BIRC6: variants seen among roughly 807,000 people sequenced by gnomAD.
The protein encoded by BIRC6 is baculoviral IAP repeat containing 6.
A neutral mutation model predicts 503.3 loss-of-function variants in BIRC6; 98 were observed. The observed-to-expected ratio is 0.19, with a 90% CI of 0.17 to 0.23. The LOEUF (loss-of-function observed/expected upper bound fraction) is 0.23, where lower values mean the gene tolerates loss of function less well. BIRC6 is among the 10% of genes least tolerant of loss of function. The pLI, the probability that BIRC6 is intolerant of heterozygous loss-of-function variation, is 1.00. For synonymous variants in BIRC6, 2,240 were observed against 2,078.7 expected (o/e 1.08, Z -2.11); for missense variants, 5,360 against 5,806.0 (o/e 0.92, Z 2.50).
At chr2:32,387,942 A>G (rs2038711546) in intron 3 of BIRC6, among the ~76,000 whole-genome samples, 1 of 152,208 alleles carries the variant, frequency 6.6e-6, no homozygotes, top group South Asian at 2.1e-4. Context: ...AAATAATTGT[A>G]TATATTTATG....
intron 69 of BIRC6, among the ~76,000 whole-genome samples, chr2:32,599,297 C>CCA (rs934679251): frequency 2.0e-5 from 3 of 150,048 alleles, no homozygotes; most frequent in Non-Finnish European, 4.4e-5. Flanking sequence ...CCATTGGACT[C>CCA]CAGCCTGGGC....
intron 6 of BIRC6, among the ~76,000 whole-genome samples, chr2:32,398,780 AAGAG>A (rs1008350002): frequency 6.6e-6 from 1 of 152,118 alleles, no homozygotes; most frequent in Admixed American, 6.5e-5. Flanking sequence ...AAACTCAGGA[AAGAG>A]AGAGAGACGG....
chr2:32,604,664 C>T (rs936756003), intron 71 of BIRC6, among the ~76,000 whole-genome samples: 11 of 152,094 alleles, frequency 7.2e-5, no homozygotes, highest in Non-Finnish European at 1.0e-4. Context: ...TAAATTATAG[C>T]CACATTTATT....
chr2:32,490,885 G>T (rs1325713714), intron 43 of BIRC6, among the ~76,000 whole-genome samples: 1 of 151,608 alleles, frequency 6.6e-6, no homozygotes, highest in Non-Finnish European at 1.5e-5. Flanking sequence ...TTTTTCATTT[G>T]GAATGTATTT....
chr2:32,453,248 C>T (rs1397939085), intron 22 of BIRC6, among the ~76,000 whole-genome samples: 1 of 152,078 alleles, frequency 6.6e-6, no homozygotes, highest in African/African-American at 2.4e-5. Context: ...CTAGCTTAAA[C>T]TATTTTTATG....
intron 55 of BIRC6, among the ~76,000 whole-genome samples, chr2:32,517,993 G>A (rs183136587): frequency 9.7e-4 from 147 of 151,422 alleles, no homozygotes; most frequent in African/African-American, 3.1e-3. Flanking sequence ...AAACCGTTTA[G>A]TACTAATTTT....
chr2:32,599,961 A>G lies in BIRC6; in HGVS notation c.13992+61A>G, dbSNP rs2151505201. The G allele has an allele frequency of 2.6e-6, 4 of 1,510,288 alleles. No homozygotes were observed. The South Asian group carries it at 4.9e-5, about 19-fold the overall frequency. The allele number at this position is 1,510,288 out of a possible 1,614,324, so 93.6% of individuals were successfully genotyped here. A position where few individuals can be genotyped will look rare whatever the true frequency, so the allele number is the denominator to read the frequency against. ...TGATTGTATACAAAGGTTCTTTGTA[A>G]TTTGAAGAAAAATTTTGTTTTAGTT... On this transcript the variant is annotated intron_variant, in intron 70 of 73. Transcript: ENST00000421745.
chr2:32,434,621 G>C (rs745950407), intron 13 of BIRC6, among the ~76,000 whole-genome samples: 12 of 152,214 alleles, frequency 7.9e-5, no homozygotes, highest in Non-Finnish European at 1.0e-4. Flanking sequence ...GCCAAGGCAG[G>C]AGGATCACTT....
At chr2:32,500,144 C>G (rs1204985009) in intron 46 of BIRC6, 35 bp downstream of exon 46, 3 of 1,516,748 alleles carry the variant, frequency 2.0e-6, no homozygotes, top group East Asian at 2.3e-5. Context: ...ACCATTGTCT[C>G]TGATACTATA....
intron 65 of BIRC6, among the ~76,000 whole-genome samples, chr2:32,573,110 A>G (rs1255421573): frequency 1.3e-5 from 2 of 152,226 alleles, no homozygotes; most frequent in East Asian, 1.9e-4. Flanking sequence ...TCCTTCGCCT[A>G]GAATGTTAGA....
chr2:32,432,574 T>C (rs972593055), intron 12 of BIRC6, among the ~76,000 whole-genome samples: 7 of 151,550 alleles, frequency 4.6e-5, no homozygotes, highest in African/African-American at 1.7e-4. Flanking sequence ...CTGGGCAATA[T>C]AGGGAGACCT....
rs552623503 is a variant in BIRC6, at chr2:32,549,607, T to C, written c.13144+126T>C. On this transcript the variant is annotated intron_variant, in intron 65 of 73. Transcript: ENST00000421745. ...TTTCCTAAAAAGTATTCTGGAAATA[T>C]TTAGTTGGTTTTTGGTGCCCTTAAT... 5.1e-5 allele frequency: 46 copies of C among 909,300 alleles called. No individual in the cohort carries two copies. In the South Asian group the frequency reaches 2.1e-3, roughly 41 times the overall value. 56.3% of individuals were successfully genotyped at this position (909,300 alleles called of 1,614,324 possible). A position where few individuals can be genotyped will look rare whatever the true frequency, so the allele number is the denominator to read the frequency against.
Position 32,543,271 on chromosome 2 carries a change from C to G in BIRC6, c.12322C>G (p.Gln4108Glu). 4 of 1,613,950 alleles carry G rather than the reference C, an allele frequency of 2.5e-6. No individual in the cohort carries two copies. Among genetic ancestry groups the G allele is most frequent in the Non-Finnish European group, 3.4e-6 (4 of 1,179,860 alleles). ...VSAPVVTSTT[Q>E]EKPKDSDQFE... ...TGCTCCAGTTGTAACATCTACCACT[C>G]AGGAAAAGCCGAAGGATAGCGATCA... The change falls in exon 62 of 74, where the codon CAG becomes GAG. Residue 4108 changes from glutamine (Q) to glutamate (E), a missense_variant. This residue lies in a region of BIRC6 where 878 missense variants were observed against 928.9 expected (regional missense o/e 0.95). Coordinates refer to ENST00000421745, the MANE Select transcript of BIRC6 (RefSeq NM_016252.4).
chr2:32,546,848 G>A (rs893120387), intron 63 of BIRC6, among the ~76,000 whole-genome samples: 1 of 152,106 alleles, frequency 6.6e-6, no homozygotes, highest in African/African-American at 2.4e-5. Context: ...GGACATAGAG[G>A]CAGGCAGATC....
intron 10 of BIRC6, among the ~76,000 whole-genome samples, chr2:32,425,291 C>A (rs938164956): frequency 1.3e-5 from 2 of 152,082 alleles, no homozygotes; most frequent in African/African-American, 4.8e-5. Context: ...GATAATCTTA[C>A]ATTCATACAT....
chr2:32,421,509 TA>T (rs1317730735), intron 10 of BIRC6, among the ~76,000 whole-genome samples: 1 of 152,240 alleles, frequency 6.6e-6, no homozygotes, highest in Non-Finnish European at 1.5e-5. Flanking sequence ...TGATACCTCC[TA>T]AATTTTGATA....
intron 21 of BIRC6, among the ~76,000 whole-genome samples, chr2:32,445,982 C>G (rs1050350836): frequency 6.6e-6 from 1 of 151,962 alleles, no homozygotes; most frequent in African/African-American, 2.4e-5. Flanking sequence ...CTCAGCCTCC[C>G]GAGTAGCTGG....
chr2:32,597,382 G>A (rs1245859475), intron 68 of BIRC6, among the ~76,000 whole-genome samples: 1 of 152,150 alleles, frequency 6.6e-6, no homozygotes, highest in Non-Finnish European at 1.5e-5. Flanking sequence ...AGTAGCCATT[G>A]TCTTTGATTG....
intron 3 of BIRC6, among the ~76,000 whole-genome samples, chr2:32,383,159 G>A (rs2037932317): frequency 6.6e-6 from 1 of 151,874 alleles, no homozygotes; most frequent in African/African-American, 2.4e-5. Context: ...TGGTTCTCCT[G>A]CCTCAGCCTC....
Sources: gnomAD v4.1 joint callset for allele counts (sites outside exome capture counted in the v4.1 genomes callset) on GRCh38, gnomAD v4.1.1 for gene constraint, gnomAD v4.1.1 regional missense constraint, MANE v1.5 for transcripts, NCBI Gene and HGNC (gene_info 2026-07-23, HGNC 2026-07-21) for gene names.